SPRED2: variants seen among roughly 807,000 people sequenced by gnomAD.
SPRED2 encodes the protein sprouty related EVH1 domain containing 2, also known as sprouty-related, EVH1 domain-containing protein 2.
SPRED2 carries 47 observed loss-of-function variants against 43.0 expected under a neutral mutation model. That is an observed-to-expected ratio of 1.09 (90% CI 0.87 to 1.40). SPRED2 has a LOEUF of 1.40. Among genes scored for constraint, SPRED2 ranks in the 40% most tolerant of loss-of-function variants. SPRED2 has a pLI of 0.00. For synonymous variants in SPRED2, 225 were observed against 225.7 expected, an observed-to-expected ratio of 1.00 and a Z score of 0.03; for missense variants, 561 against 586.4, an observed-to-expected ratio of 0.96 and a Z score of 0.45.
downstream of SPRED2, among the ~76,000 whole-genome samples, chr2:65,309,847 C>T (rs546458334): frequency 4.6e-5 from 7 of 152,230 alleles, no homozygotes; most frequent in South Asian, 8.3e-4. Flanking sequence ...TCTTGACTGT[C>T]GCCCACTTGT....
chr2:65,349,647 G>C (rs910564529), intron 1 of SPRED2, among the ~76,000 whole-genome samples: 2 of 152,224 alleles, frequency 1.3e-5, no homozygotes, highest in African/African-American at 4.8e-5. Flanking sequence ...ACATGAAAAA[G>C]AGAAGTTTGC....
At chr2:65,390,180 C>A (rs777478210) in intron 1 of SPRED2, among the ~76,000 whole-genome samples, 1 of 152,120 alleles carries the variant, frequency 6.6e-6, no homozygotes, top group African/African-American at 2.4e-5. Context: ...ATGAGCCAGA[C>A]CTGGCAAAAT....
intron 3 of SPRED2, among the ~76,000 whole-genome samples, chr2:65,333,363 G>A (rs1673871949): frequency 6.6e-6 from 1 of 151,782 alleles, no homozygotes; most frequent in Non-Finnish European, 1.5e-5. Context: ...TCCAACGAGA[G>A]ACTGCAGGAG....
chr2:65,334,507 C>T, intron 3 of SPRED2, 98 bp downstream of exon 3: 1 of 1,484,002 alleles, frequency 6.7e-7, no homozygotes, highest in Middle Eastern at 1.8e-4. Flanking sequence ...AACCCTCCCG[C>T]AAATAAACCA....
At chr2:65,318,437 C>G (rs1673311080) in intron 4 of SPRED2, among the ~76,000 whole-genome samples, 1 of 151,818 alleles carries the variant, frequency 6.6e-6, no homozygotes, top group Admixed American at 6.6e-5. Context: ...TTAGATGCAG[C>G]TGGCAACCAT....
Position 65,312,801 on chromosome 2 carries a change from G to A in SPRED2, c.*700C>T, listed in dbSNP as rs1164864244. ...GCTCAATTCTCAGTCTATTACGGGT[G>A]AATGTTTTGCATCAGTGAATCATTT... is the stretch of plus-strand genomic sequence containing the variant. On this transcript the variant is annotated 3_prime_UTR_variant, in exon 6 of 6. Coordinates refer to ENST00000356388, the MANE Select transcript of SPRED2 (RefSeq NM_181784.3). 1.0e-6 allele frequency: 1 copy of A among 985,734 alleles called. No homozygotes were observed. The highest frequency in any genetic ancestry group is 6.1e-5 in the Admixed American group (1 of 16,262). The allele number at this position is 985,734 out of a possible 1,614,324, so 61.1% of individuals were successfully genotyped here.
intron 4 of SPRED2, among the ~76,000 whole-genome samples, chr2:65,320,580 C>T (rs909879329): frequency 1.3e-5 from 2 of 152,206 alleles, no homozygotes; most frequent in African/African-American, 2.4e-5. Flanking sequence ...CCTCGAGAGG[C>T]ATGTCCACAG....
chr2:65,328,048 A>T (rs1673698653), intron 4 of SPRED2, among the ~76,000 whole-genome samples: 1 of 151,774 alleles, frequency 6.6e-6, no homozygotes, highest in African/African-American at 2.4e-5. Flanking sequence ...ACCCACCATA[A>T]ATCAGTTTCA....
At chr2:65,308,266 G>A (rs1672982040), downstream of SPRED2, 1 of 974,334 alleles carries the variant, frequency 1.0e-6, no homozygotes, top group Admixed American at 6.2e-5. Context: ...AAGTGCCACT[G>A]AGCAGGACCC....
chr2:65,428,238 G>A (rs142740162), intron 1 of SPRED2, among the ~76,000 whole-genome samples: 2 of 152,290 alleles, frequency 1.3e-5, no homozygotes, highest in African/African-American at 4.8e-5. Context: ...AATTCTCACA[G>A]CAGCTCCACA....
intron 1 of SPRED2, among the ~76,000 whole-genome samples, chr2:65,356,534 C>CTTTTTTTTTT (rs1674654115): frequency 1.8e-5 from 1 of 54,256 alleles, no homozygotes; most frequent in South Asian, 9.6e-4. Flanking sequence ...CCCCAGTTCC[C>CTTTTTTTTTT]TCTTTTTTTT....
At chr2:65,366,305 A>AAAAAACAACAAC (rs1553422479) in intron 1 of SPRED2, among the ~76,000 whole-genome samples, 6 of 151,436 alleles carry the variant, frequency 4.0e-5, no homozygotes, top group East Asian at 1.9e-4. Flanking sequence ...TAATAATAAA[A>AAAAAACAACAAC]AACAACAACA....
rs1331603120 is a variant in SPRED2 at position 65,432,355 on chromosome 2, G to A, written c.-368C>T. Among the ~76,000 whole-genome samples, 1 of 150,220 alleles carries A rather than the reference G, an allele frequency of 6.7e-6. No individual in the cohort carries two copies. Among genetic ancestry groups the A allele is most frequent in the Non-Finnish European group, 1.5e-5 (1 of 67,408 alleles). On this transcript the variant is annotated 5_prime_UTR_variant, in exon 1 of 6. Coordinates refer to ENST00000356388, the MANE Select transcript of SPRED2 (RefSeq NM_181784.3). ...AGGGACTGCTGCGAGGAGGAGGAGA[G>A]CGCCGGCCGCGGGTGGGGGGGCTCA...
rs1485242613 is a variant in SPRED2, at chr2:65,409,814, T to C, written c.26+22148A>G. Among the ~76,000 whole-genome samples, 4 of 150,858 alleles carry C rather than the reference T, an allele frequency of 2.7e-5. No individual in the cohort carries two copies. In the East Asian group the frequency reaches 7.8e-4, roughly 29 times the overall value. ...ACTTTGGGAGGCCAAGGCGGGCGGATCACGAGGTCAGGAGATCAAGACCAT... is the reference window on the plus strand; with the variant it reads ...ACTTTGGGAGGCCAAGGCGGGCGGACCACGAGGTCAGGAGATCAAGACCAT... On this transcript the variant is annotated intron_variant, in intron 1 of 5. Coordinates refer to ENST00000356388, the MANE Select transcript of SPRED2 (RefSeq NM_181784.3).
chr2:65,329,803 C>G (rs930657522), intron 4 of SPRED2, among the ~76,000 whole-genome samples: 2 of 152,172 alleles, frequency 1.3e-5, no homozygotes, highest in Admixed American at 1.3e-4. Flanking sequence ...AAGCAACATG[C>G]CAACTGTTGA....
At chr2:65,418,716 GC>G in intron 1 of SPRED2, among the ~76,000 whole-genome samples, 1 of 152,024 alleles carries the variant, frequency 6.6e-6, no homozygotes, top group East Asian at 1.9e-4. Context: ...ACCACGCCCA[GC>G]TAAGTTTTTG....
At chr2:65,417,409 C>T (rs1030428380) in intron 1 of SPRED2, among the ~76,000 whole-genome samples, 52 of 152,290 alleles carry the variant, frequency 3.4e-4, no homozygotes, top group Admixed American at 2.9e-3. Flanking sequence ...GGAACACAGA[C>T]ATGCGGAAAC....
intron 1 of SPRED2, among the ~76,000 whole-genome samples, chr2:65,416,967 A>C (rs962469937): frequency 6.6e-6 from 1 of 152,202 alleles, no homozygotes; most frequent in African/African-American, 2.4e-5. Flanking sequence ...ACCATAAAAA[A>C]TGCTGGTTAT....
At chr2:65,423,101 G>A (rs1235193817) in intron 1 of SPRED2, among the ~76,000 whole-genome samples, 4 of 152,088 alleles carry the variant, frequency 2.6e-5, no homozygotes, top group East Asian at 1.9e-4. Flanking sequence ...CCACTCCATC[G>A]TCCACTTTAT....
Sources: allele counts gnomAD v4.1 joint callset (sites outside exome capture counted in the v4.1 genomes callset), GRCh38; gene constraint gnomAD v4.1.1; transcripts MANE v1.5; gene names NCBI Gene and HGNC (gene_info 2026-07-23, HGNC 2026-07-21).